The following PRR16 variants were observed in gnomAD, a reference collection of about 807,000 sequenced individuals.
The protein encoded by PRR16 is proline rich 16.
PRR16 carries 6 observed loss-of-function variants against 18.2 expected under a neutral mutation model. The ratio of observed to expected loss-of-function variants is 0.33; its 90% confidence interval spans 0.18 to 0.65. PRR16 has a LOEUF of 0.65. Among genes scored for constraint, PRR16 ranks in the 30% least tolerant of loss-of-function variants. The pLI is 0.74. For synonymous variants in PRR16, 151 were observed against 147.8 expected (o/e 1.02, Z -0.16); for missense variants, 412 against 376.6 (o/e 1.09, Z -0.78).
the PRR16 span, among the ~76,000 whole-genome samples, chr5:120,720,909 G>C: frequency 6.6e-6 from 1 of 151,970 alleles, no homozygotes; most frequent in Admixed American, 6.6e-5. Flanking sequence ...TCATCAGTAT[G>C]AAAAAGGATT....
chr5:120,620,615 G>A (rs1286760211), intron 1 of PRR16, among the ~76,000 whole-genome samples: 4 of 152,060 alleles, frequency 2.6e-5, no homozygotes, highest in African/African-American at 4.8e-5. Context: ...TCTATGTATG[G>A]AACAGATAAA....
chr5:120,701,840 C>A, the PRR16 span, among the ~76,000 whole-genome samples: 1 of 152,060 alleles, frequency 6.6e-6, no homozygotes, highest in Non-Finnish European at 1.5e-5. Context: ...CACCTCAGAC[C>A]GTTTGCCTAT....
rs541581878 is a variant in PRR16 at position 120,507,050 on chromosome 5, A to C, written c.159+42405A>C. 2.6e-4 allele frequency among the ~76,000 whole-genome samples: 40 copies of C among 152,232 alleles called. No homozygotes were observed. In the East Asian group the frequency reaches 7.3e-3, roughly 28 times the overall value. On this transcript the variant is annotated intron_variant, in intron 1 of 1. Transcript: ENST00000407149. ...ATTTCAACTTTCTACCAGTGGTAAT[A>C]CCAGGCTAAAGAAATACAATAGGAG...
At chr5:120,757,801 G>T in the PRR16 span, among the ~76,000 whole-genome samples, 2 of 150,712 alleles carry the variant, frequency 1.3e-5, no homozygotes, top group African/African-American at 4.8e-5. Flanking sequence ...TTGAGAAATT[G>T]TAGTGACTGA....
chr5:120,639,436 A>G (rs1215413481), intron 1 of PRR16, among the ~76,000 whole-genome samples: 1 of 152,114 alleles, frequency 6.6e-6, no homozygotes, highest in Admixed American at 6.6e-5. Flanking sequence ...AAATGTCTGT[A>G]GAAATGATTT....
chr5:120,563,724 C>T (rs1752648482), intron 1 of PRR16, among the ~76,000 whole-genome samples: 1 of 152,162 alleles, frequency 6.6e-6, no homozygotes. Context: ...TATTGCTCTA[C>T]CCCACTGTGG....
the PRR16 span, among the ~76,000 whole-genome samples, chr5:120,752,659 G>T: frequency 2.0e-5 from 3 of 151,876 alleles, no homozygotes; most frequent in Non-Finnish European, 4.4e-5. Context: ...AGGATAAAAA[G>T]TCATAAATAT....
chr5:120,724,663 G>T, the PRR16 span, among the ~76,000 whole-genome samples: 1 of 151,938 alleles, frequency 6.6e-6, no homozygotes, highest in Admixed American at 6.6e-5. Context: ...AAACTTACCT[G>T]TCACAATGTC....
At chr5:120,761,661 G>A in the PRR16 span, among the ~76,000 whole-genome samples, 1 of 152,084 alleles carries the variant, frequency 6.6e-6, no homozygotes, top group South Asian at 2.1e-4. Flanking sequence ...TGCCTAGAAT[G>A]TGTAATGATC....
At chr5:120,632,312 A>T (rs1755084358) in intron 1 of PRR16, among the ~76,000 whole-genome samples, 1 of 152,142 alleles carries the variant, frequency 6.6e-6, no homozygotes, top group Non-Finnish European at 1.5e-5. Context: ...ATATGGCAAA[A>T]CAAGGTTCTT....
intron 1 of PRR16, among the ~76,000 whole-genome samples, chr5:120,671,822 G>C (rs1013046445): frequency 1.3e-5 from 2 of 151,954 alleles, no homozygotes; most frequent in Admixed American, 1.3e-4. Flanking sequence ...ACATATATAT[G>C]TATGAAAAAG....
the PRR16 span, among the ~76,000 whole-genome samples, chr5:120,723,940 A>C: frequency 6.6e-6 from 1 of 151,776 alleles, no homozygotes; most frequent in Non-Finnish European, 1.5e-5. Flanking sequence ...ATTATCAAAT[A>C]AGAAAATGAA....
chr5:120,662,574 A>G (rs1756213166), intron 1 of PRR16, among the ~76,000 whole-genome samples: 1 of 152,092 alleles, frequency 6.6e-6, no homozygotes, highest in Non-Finnish European at 1.5e-5. Flanking sequence ...TGCATTTTGC[A>G]CTATGTATTC....
intron 1 of PRR16, among the ~76,000 whole-genome samples, chr5:120,540,567 T>G (rs1751878953): frequency 6.6e-6 from 1 of 152,152 alleles, no homozygotes; most frequent in Admixed American, 6.5e-5. Flanking sequence ...TGTCCTGGAC[T>G]TTAGATATGT....
At chr5:120,529,171 CATTA>C (rs1461823570) in intron 1 of PRR16, among the ~76,000 whole-genome samples, 4 of 152,046 alleles carry the variant, frequency 2.6e-5, no homozygotes, top group African/African-American at 7.2e-5. Flanking sequence ...CTCTTTATAG[CATTA>C]ATTGAGAACC....
At chr5:120,755,830 C>T in the PRR16 span, among the ~76,000 whole-genome samples, 4 of 151,938 alleles carry the variant, frequency 2.6e-5, no homozygotes, top group Admixed American at 1.3e-4. Context: ...AGAAAATGCA[C>T]AAAAAAGCAA....
At chr5:120,647,618 C>G (rs773508163) in intron 1 of PRR16, among the ~76,000 whole-genome samples, 17 of 151,992 alleles carry the variant, frequency 1.1e-4, no homozygotes, top group Non-Finnish European at 2.2e-4. Context: ...TATTTCTTTA[C>G]TAATTCTAAT....
At chr5:120,629,929 C>T (rs2112837248) in intron 1 of PRR16, among the ~76,000 whole-genome samples, 1 of 152,112 alleles carries the variant, frequency 6.6e-6, no homozygotes, top group South Asian at 2.1e-4. Context: ...CATTAATTGG[C>T]ACTTTATCTG....
At chr5:120,748,315 C>A in the PRR16 span, among the ~76,000 whole-genome samples, 1 of 152,052 alleles carries the variant, frequency 6.6e-6, no homozygotes, top group South Asian at 2.1e-4. Flanking sequence ...TAGTAATTCT[C>A]TTCTAAAACA....
Sources: gnomAD v4.1 joint callset for allele counts (sites outside exome capture counted in the v4.1 genomes callset) on GRCh38, gnomAD v4.1.1 for gene constraint, MANE v1.5 for transcripts, NCBI Gene and HGNC (gene_info 2026-07-23, HGNC 2026-07-21) for gene names.